The following DNAH6 variants were observed in gnomAD, a reference collection of about 807,000 sequenced individuals.
The protein encoded by DNAH6 is axonemal beta dynein heavy chain 6.
In DNAH6, 340 loss-of-function variants were observed where a neutral mutation model predicts 491.4. The observed-to-expected ratio is 0.69, with a 90% confidence interval of 0.63 to 0.76. The LOEUF is 0.76. Among genes scored for constraint, DNAH6 ranks in the 30% least tolerant of loss-of-function variants. The pLI, the probability that DNAH6 is intolerant of heterozygous loss-of-function variation, is 0.00. For missense variants in DNAH6, 4,443 were observed against 4,972.2 expected, an observed-to-expected ratio of 0.89 and a Z score of 3.20; for synonymous variants, 1,603 against 1,686.1, an observed-to-expected ratio of 0.95 and a Z score of 1.21.
In DNAH6 at chr2:84,804,064, A is replaced by G. The variant is rs377270784; in HGVS notation, c.11482-1601A>G. On this transcript the variant is annotated intron_variant, in intron 70 of 76. Transcript: ENST00000389394. Reference sequence around the variant, plus strand: ...TCTACTAAAACTATAAAAATTAGCCAGGCGTGGTGACAGGTGCCTGTAATC... The same window carrying G: ...TCTACTAAAACTATAAAAATTAGCCGGGCGTGGTGACAGGTGCCTGTAATC... Among the ~76,000 whole-genome samples, 171 of 152,134 alleles carry G rather than the reference A, an allele frequency of 1.1e-3. 1 individual carries two copies. The South Asian group carries it at 0.035, about 31-fold the overall frequency.
At chr2:84,500,900 G>T in the DNAH6 span, among the ~76,000 whole-genome samples, 1 of 151,978 alleles carries the variant, frequency 6.6e-6, no homozygotes, top group Non-Finnish European at 1.5e-5. Context: ...TACTGAATTT[G>T]GTTATCAGTA....
rs1690777682 is a variant in DNAH6 at position 84,654,684 on chromosome 2, C to G, written c.5659C>G (p.Pro1887Ala). 1.9e-6 allele frequency: 3 copies of G among 1,550,902 alleles called. No individual in the cohort carries two copies. Among genetic ancestry groups the G allele is most frequent in the Non-Finnish European group, 2.6e-6 (3 of 1,146,336 alleles). The change falls in exon 35 of 77, where the codon CCT becomes GCT. Residue 1887 changes from proline to alanine, a missense_variant. Transcript: ENST00000389394. ...GGTGCAAGATCTGCGGGTTGCCTCC[C>G]CTGCAACAGTCAGTCGATGTGGAAT... The part of the protein sequence containing the change: ...FEVQDLRVAS[P>A]ATVSRCGMVF...
upstream of DNAH6, among the ~76,000 whole-genome samples, chr2:84,516,176 A>C (rs1675574975): frequency 6.6e-6 from 1 of 152,222 alleles, no homozygotes; most frequent in South Asian, 2.1e-4. Flanking sequence ...GGAAAACAGA[A>C]AAGAAATTCC....
At chr2:84,537,041 T>C (rs1677761262) in intron 4 of DNAH6, among the ~76,000 whole-genome samples, 1 of 152,034 alleles carries the variant, frequency 6.6e-6, no homozygotes, top group South Asian at 2.1e-4. Flanking sequence ...TAAAATGTTA[T>C]TATTGCATGG....
the DNAH6 span, among the ~76,000 whole-genome samples, chr2:84,487,014 C>T: frequency 6.6e-6 from 1 of 152,116 alleles, no homozygotes; most frequent in Non-Finnish European, 1.5e-5. Flanking sequence ...ACTGGGGATG[C>T]CAAAGGAGCC....
chr2:84,525,587 A>C lies in DNAH6; in HGVS notation c.248A>C (p.Asp83Ala). ...AAGCCAGTGCTAAAAGTCTACCAAG[A>C]TCATAAGCAGCCAGAATACATACAT... ...EPLPVLKVYQ[D>A]HKQPEYIHEQ... The change falls in exon 3 of 77, where the codon GAT becomes GCT. Residue 83 changes from aspartate (D) to alanine (A), a missense_variant. Asp to Ala is a moderately radical substitution (Grantham distance 126, BLOSUM62 -2). Coordinates refer to ENST00000389394, the MANE Select transcript of DNAH6 (RefSeq NM_001370.2). 1 of 1,547,242 alleles carries C rather than the reference A, an allele frequency of 6.5e-7. No homozygotes were observed. The highest frequency in any genetic ancestry group is 8.7e-7 in the Non-Finnish European group (1 of 1,145,508).
chr2:84,810,426 T>C (rs180956486), intron 72 of DNAH6, among the ~76,000 whole-genome samples: 2 of 152,264 alleles, frequency 1.3e-5, no homozygotes, highest in East Asian at 3.9e-4. Flanking sequence ...GGAATTCCCC[T>C]AATGGAAGCA....
intron 14 of DNAH6, among the ~76,000 whole-genome samples, chr2:84,580,316 GCACACACACACA>G (rs36209367): frequency 0.36 from 53,648 of 149,134 alleles, 10,537 homozygotes; most frequent in Non-Finnish European, 0.46. Flanking sequence ...ACATACACAC[GCACACACACACA>G]CACACACACA....
chr2:84,550,757 G>A (rs1328031183), intron 9 of DNAH6, among the ~76,000 whole-genome samples: 1 of 152,124 alleles, frequency 6.6e-6, no homozygotes, highest in Non-Finnish European at 1.5e-5. Flanking sequence ...AAAGCTTATA[G>A]TTCGTGGGGA....
chr2:84,596,484 C>T (rs1278957620), intron 18 of DNAH6, among the ~76,000 whole-genome samples: 4 of 151,926 alleles, frequency 2.6e-5, no homozygotes, highest in Non-Finnish European at 4.4e-5. Flanking sequence ...CCACCCACCA[C>T]GCTGGGCTAA....
Position 84,812,349 on chromosome 2 carries a change from G to A in DNAH6, c.11748G>A (p.Leu3916=), listed in dbSNP as rs1161209805. 4 of 1,551,700 alleles carry A rather than the reference G, an allele frequency of 2.6e-6. No homozygotes were observed. In the East Asian group the frequency reaches 9.8e-5, roughly 38 times the overall value. The change falls in exon 73 of 77, where the codon CTG becomes CTA. Residue 3916 remains leucine, a synonymous_variant. Transcript: ENST00000389394. ...CTTTTTTGTTCTTTCAGACTTCTCTGGAAACACTCAACAAAGCCATCGCTG... is the reference window on the plus strand; with the variant it reads ...CTTTTTTGTTCTTTCAGACTTCTCTAGAAACACTCAACAAAGCCATCGCTG... ...NNLLKLIHTS[L]ETLNKAIAGF... is the part of the protein sequence containing the mutation.
intron 51 of DNAH6, among the ~76,000 whole-genome samples, 170 bp from the exon 52 acceptor site, chr2:84,705,316 C>T (rs962177491): frequency 1.3e-5 from 2 of 152,090 alleles, no homozygotes; most frequent in Non-Finnish European, 2.9e-5. Context: ...TTTCTTTTCG[C>T]CCCCTGAATT....
chr2:84,658,311 A>C lies in DNAH6; in HGVS notation c.5777A>C (p.Glu1926Ala). 6.5e-7 allele frequency: 1 copy of C among 1,536,606 alleles called. No individual in the cohort carries two copies. The highest frequency in any genetic ancestry group is 1.2e-5 in the South Asian group (1 of 81,010). ...ISKKLTEETQ[E>A]YILNLFQRYV... is the part of the protein sequence containing the mutation. ...TTTCAGCTGACTGAGGAAACCCAAGAATATATATTGAATCTTTTCCAACGT... is the reference window on the plus strand; with the variant it reads ...TTTCAGCTGACTGAGGAAACCCAAGCATATATATTGAATCTTTTCCAACGT... Residue 1926 changes from glutamate (E) to alanine (A), a missense_variant, in exon 36 of 77, where the codon GAA becomes GCA. Glu to Ala is a moderately radical substitution (Grantham distance 107). Coordinates refer to ENST00000389394, the MANE Select transcript of DNAH6 (RefSeq NM_001370.2).
At chr2:84,709,164 T>C (rs773350423) in intron 54 of DNAH6, among the ~76,000 whole-genome samples, 179 bp from the exon 55 acceptor site, 4 of 152,244 alleles carry the variant, frequency 2.6e-5, no homozygotes, top group African/African-American at 4.8e-5. Context: ...TCAGAGTACC[T>C]AGGCCTCCTG....
intron 64 of DNAH6, among the ~76,000 whole-genome samples, chr2:84,776,853 A>G (rs1013342623): frequency 6.6e-6 from 1 of 152,250 alleles, no homozygotes; most frequent in African/African-American, 2.4e-5. Flanking sequence ...CCAAATGTCC[A>G]TCAGTGATAG....
chr2:84,491,417 C>T, the DNAH6 span, among the ~76,000 whole-genome samples: 1 of 152,246 alleles, frequency 6.6e-6, no homozygotes, highest in East Asian at 1.9e-4. Flanking sequence ...GGGAATGGAT[C>T]ATGACTGTTA....
chr2:84,587,128 C>T (rs1558758169), intron 15 of DNAH6, among the ~76,000 whole-genome samples: 2 of 152,060 alleles, frequency 1.3e-5, no homozygotes, highest in African/African-American at 4.8e-5. Flanking sequence ...TCAGGTAGGC[C>T]CCAGTGTCTG....
At chr2:84,469,352 C>T in the DNAH6 span, among the ~76,000 whole-genome samples, 183 of 152,024 alleles carry the variant, frequency 1.2e-3, 1 homozygote, top group African/African-American at 4.2e-3. The surrounding 1 kb of genome is among the most constrained non-coding windows in gnomAD (Gnocchi z 4.0). Context: ...TTTTTTCTGG[C>T]CAAAGCAAAA....
At chr2:84,463,542 A>G in the DNAH6 span, among the ~76,000 whole-genome samples, 1 of 152,278 alleles carries the variant, frequency 6.6e-6, no homozygotes, top group Non-Finnish European at 1.5e-5. Flanking sequence ...TTTCTTGTGT[A>G]TCCTTCCAGA....
Sources: gnomAD v4.1 joint callset for allele counts (sites outside exome capture counted in the v4.1 genomes callset) on GRCh38, gnomAD v4.1.1 for gene constraint, Gnocchi (gnomAD v3.1) non-coding constraint, MANE v1.5 for transcripts, NCBI Gene and HGNC (gene_info 2026-07-23, HGNC 2026-07-21) for gene names.